The following RMI1 variants were observed in gnomAD, a reference collection of about 807,000 sequenced individuals.
The protein encoded by RMI1 is recQ-mediated genome instability protein 1.
In RMI1, 36 loss-of-function variants were observed where a neutral mutation model predicts 46.7. The ratio of observed to expected loss-of-function variants is 0.77; its 90% CI spans 0.59 to 1.02. The LOEUF is 1.02. Among genes scored for constraint, RMI1 ranks in the 50% least tolerant of loss-of-function variants. RMI1 has a pLI of 0.00. For missense variants in RMI1, 676 were observed against 713.7 expected (o/e 0.95, Z 0.60); for synonymous variants, 250 against 252.9 (o/e 0.99, Z 0.11).
upstream of RMI1, chr9:83,980,719 G>A (rs960911787): frequency 6.6e-6 from 1 of 152,340 alleles, no homozygotes; most frequent in Non-Finnish European, 1.5e-5. Flanking sequence ...GCGGGGAAGG[G>A]GCGTTTTCCA....
At chr9:83,985,705 TGC>T (rs200676215) in intron 1 of RMI1, among the ~76,000 whole-genome samples, 2,239 of 152,268 alleles carry the variant, frequency 0.015, 61 homozygotes, top group African/African-American at 0.051. Context: ...TTTTGCCACT[TGC>T]GGTGTTCAGT....
intron 1 of RMI1, among the ~76,000 whole-genome samples, chr9:83,995,712 G>A (rs983579756): frequency 2.6e-5 from 4 of 152,224 alleles, no homozygotes; most frequent in African/African-American, 9.6e-5. Flanking sequence ...ACAGGCGTGA[G>A]CCACTGCGCC....
Position 84,002,450 on chromosome 9 carries a change from T to G in RMI1, c.1464T>G (p.Ser488=). The G allele has an allele frequency of 6.2e-7, 1 of 1,613,934 alleles. No homozygotes were observed. The highest frequency in any genetic ancestry group is 1.7e-5 in the Admixed American group (1 of 60,028). Residue 488 remains serine (S), a synonymous_variant, in exon 3 of 3, where the codon TCT becomes TCG. Transcript: ENST00000445877. ...INLSIAMDLY[S]PPFVYLSVLM... is the part of the protein sequence containing the mutation. ...TTTCTATTGCCATGGATTTGTATTC[T>G]CCACCCTTTGTCTATTTGTCTGTTC...
chr9:83,993,896 C>T (rs1288558017), intron 1 of RMI1, among the ~76,000 whole-genome samples: 2 of 151,876 alleles, frequency 1.3e-5, no homozygotes, highest in Admixed American at 1.3e-4. Flanking sequence ...CCTCTCACCT[C>T]AGCCTCATGA....
chr9:83,997,965 T>TA (rs930816413), intron 1 of RMI1, among the ~76,000 whole-genome samples: 16 of 147,662 alleles, frequency 1.1e-4, no homozygotes, highest in Admixed American at 2.7e-4. Flanking sequence ...TCAGGCTAAT[T>TA]AAAAAAAAAA....
chr9:83,996,662 A>C (rs959005514), intron 1 of RMI1, among the ~76,000 whole-genome samples: 2 of 152,166 alleles, frequency 1.3e-5, no homozygotes, highest in African/African-American at 4.8e-5. Context: ...TATATATCCT[A>C]TTAGATTAGT....
intron 1 of RMI1, among the ~76,000 whole-genome samples, chr9:83,982,297 G>T (rs1464013533): frequency 6.6e-6 from 1 of 152,144 alleles, no homozygotes; most frequent in Non-Finnish European, 1.5e-5. Context: ...TTTCAAATTA[G>T]GATTTATGTT....
chr9:83,991,749 A>G (rs1053094485), intron 1 of RMI1, among the ~76,000 whole-genome samples: 1 of 152,148 alleles, frequency 6.6e-6, no homozygotes, highest in African/African-American at 2.4e-5. Context: ...GGTAATTTTT[A>G]TTTGTTGAAT....
intron 1 of RMI1, among the ~76,000 whole-genome samples, chr9:83,994,512 T>C (rs1957621841): frequency 6.6e-6 from 1 of 152,234 alleles, no homozygotes; most frequent in Admixed American, 6.5e-5. Context: ...ATCTTTTACA[T>C]GGGCATGTCC....
At position 84,002,885 on chromosome 9, in the gene RMI1, G is replaced by A; in HGVS notation, c.*21G>A. 1 of 1,324,852 alleles carries A rather than the reference G, an allele frequency of 7.5e-7. No homozygotes were observed. Among genetic ancestry groups the A allele is most frequent in the Non-Finnish European group, 1.0e-6 (1 of 965,572 alleles). The allele number at this position is 1,324,852 out of a possible 1,614,324, so 82.1% of individuals were successfully genotyped here. On this transcript the variant is annotated 3_prime_UTR_variant, in exon 3 of 3. Transcript: ENST00000445877. ...AATAATTAAACTAAAATAGTATTAG[G>A]AACAATTAAAAACAACAAGGAAATA...
chr9:83,998,072 C>A (rs138920366), intron 1 of RMI1, among the ~76,000 whole-genome samples: 21 of 152,178 alleles, frequency 1.4e-4, no homozygotes, highest in African/African-American at 5.1e-4. Flanking sequence ...GCTGGGTTTA[C>A]AGGCGTGAGC....
chr9:83,984,532 A>G (rs950486893), intron 1 of RMI1, among the ~76,000 whole-genome samples: 2 of 151,916 alleles, frequency 1.3e-5, no homozygotes, highest in South Asian at 4.2e-4. Flanking sequence ...TTGGCCTACC[A>G]AAGTGCTGGG....
chr9:83,994,398 CTA>C (rs1328578378), intron 1 of RMI1, among the ~76,000 whole-genome samples: 7 of 152,108 alleles, frequency 4.6e-5, no homozygotes, highest in Admixed American at 1.3e-4. Context: ...AGCTTTTTCC[CTA>C]TGTTTACTTC....
chr9:83,992,047 A>T (rs1324170189), intron 1 of RMI1, among the ~76,000 whole-genome samples: 6 of 152,210 alleles, frequency 3.9e-5, no homozygotes, highest in African/African-American at 1.4e-4. Flanking sequence ...ATGGAATTGC[A>T]TTGAATCTAT....
intron 1 of RMI1, among the ~76,000 whole-genome samples, chr9:83,983,747 C>A (rs1260176104): frequency 6.6e-6 from 1 of 151,962 alleles, no homozygotes; most frequent in Non-Finnish European, 1.5e-5. Flanking sequence ...ATCTAGAATG[C>A]AGATTAGTGT....
At chr9:83,984,461 G>A (rs1221445601) in intron 1 of RMI1, among the ~76,000 whole-genome samples, 2 of 151,484 alleles carry the variant, frequency 1.3e-5, no homozygotes, top group East Asian at 3.9e-4. Context: ...TAGTAGAGAT[G>A]GGGTTTCTCC....
At chr9:83,988,011 G>A (rs2133106409) in intron 1 of RMI1, among the ~76,000 whole-genome samples, 2 of 151,828 alleles carry the variant, frequency 1.3e-5, no homozygotes, top group South Asian at 4.2e-4. Flanking sequence ...TCTGCCTCCT[G>A]GGTAGCTAGG....
At chr9:84,000,497 A>G (rs7038536) in intron 2 of RMI1, among the ~76,000 whole-genome samples, 5,100 of 152,216 alleles carry the variant, frequency 0.034, 263 homozygotes, top group African/African-American at 0.11. Flanking sequence ...GTTTGATAAT[A>G]TTTAGAGTTT....
At chr9:84,000,147 G>A (rs1243495706) in intron 2 of RMI1, among the ~76,000 whole-genome samples, 1 of 152,098 alleles carries the variant, frequency 6.6e-6, no homozygotes, top group Admixed American at 6.6e-5. Flanking sequence ...CATACATAAA[G>A]AACATTAGTG....
Sources: allele counts gnomAD v4.1 joint callset (sites outside exome capture counted in the v4.1 genomes callset), GRCh38; gene constraint gnomAD v4.1.1; transcripts MANE v1.5; gene names NCBI Gene and HGNC (gene_info 2026-07-23, HGNC 2026-07-21).